HTR3D: variants seen among roughly 807,000 people sequenced by gnomAD.
The protein encoded by HTR3D is 5-hydroxytryptamine receptor 3D.
In HTR3D, 47 loss-of-function variants were observed where a neutral mutation model predicts 45.8. The ratio of observed to expected loss-of-function variants is 1.03; its 90% CI spans 0.81 to 1.31. HTR3D has a LOEUF of 1.31. Ranked by LOEUF, HTR3D falls within the 50% of genes most tolerant of loss-of-function variation. HTR3D has a pLI of 0.00. For synonymous variants in HTR3D, 203 were observed against 199.8 expected, an observed-to-expected ratio of 1.02 and a Z score of -0.13; for missense variants, 448 against 506.9, an observed-to-expected ratio of 0.88 and a Z score of 1.12.
In HTR3D at chr3:184,038,508, C is replaced by T. The variant is rs1722980129; in HGVS notation, c.869C>T (p.Pro290Leu). The change falls in exon 7 of 8, where the codon CCT becomes CTT. Residue 290 changes from proline to leucine, a missense_variant. Coordinates refer to ENST00000428798, the MANE Select transcript of HTR3D (RefSeq NM_001145143.1). This position sits in a 1 kb window ranked among gnomAD's most constrained non-coding sequence, Gnocchi z 4.5. ...CACGTGGCCACCACCCAGCCCCTAC[C>T]TCTGCCTCGGTGGCTCCACTCCCTG... ...LLHVATTQPL[P>L]LPRWLHSLLL... 1 of 1,614,058 alleles carries T rather than the reference C, an allele frequency of 6.2e-7. No individual in the cohort carries two copies. Among genetic ancestry groups the T allele is most frequent in the African/African-American group, 1.3e-5 (1 of 75,036 alleles).
In HTR3D at chr3:184,032,960, T is replaced by G. The variant is rs137867732; in HGVS notation, c.66+1153T>G. ...CCAGCACAGGGTGGACCCTGCAGCC[T>G]TTCAAGCAGTGTTTGACAGAAAGGC... is the stretch of plus-strand genomic sequence containing the variant. On this transcript the variant is annotated intron_variant, in intron 1 of 7. Coordinates refer to ENST00000428798, the MANE Select transcript of HTR3D (RefSeq NM_001145143.1). 201 of 1,552,276 alleles carry G rather than the reference T, an allele frequency of 1.3e-4. No individual in the cohort carries two copies. In the African/African-American group the frequency reaches 2.3e-3, roughly 18 times the overall value.
At chr3:184,031,588 T>C, upstream of HTR3D, 1 of 607,406 alleles carries the variant, frequency 1.6e-6, no homozygotes, top group Non-Finnish European at 3.0e-6. Flanking sequence ...TATTCCTCTG[T>C]GACATTCTTT....
chr3:184,037,944 T>C (rs1450186226), intron 5 of HTR3D, 77 bp from the exon 6 acceptor site: 5 of 1,549,846 alleles, frequency 3.2e-6, no homozygotes, highest in Non-Finnish European at 4.4e-6. Context: ...CTGGGACAAA[T>C]CCCAGTTCTT....
chr3:184,032,915 A>G, intron 1 of HTR3D: 1 of 1,552,578 alleles, frequency 6.4e-7, no homozygotes, highest in Non-Finnish European at 8.7e-7. Flanking sequence ...CACTTTGATT[A>G]TCAATTGCCC....
chr3:184,031,633 T>C (rs1722752340), upstream of HTR3D: 1 of 714,646 alleles, frequency 1.4e-6, no homozygotes. Flanking sequence ...AGGCGGTTAA[T>C]GCCAGCTGAT....
At chr3:184,037,919 A>C in intron 5 of HTR3D, 102 bp from the exon 6 acceptor site, 1 of 1,419,238 alleles carries the variant, frequency 7.0e-7, no homozygotes, top group South Asian at 1.3e-5. Context: ...ATATTTCCTT[A>C]CTAGACAGTT....
chr3:184,036,650 A>G (rs1416882953), intron 4 of HTR3D, 98 bp from the exon 5 acceptor site: 8 of 1,579,614 alleles, frequency 5.1e-6, no homozygotes, highest in Non-Finnish European at 6.9e-6. Context: ...AAGGGCCTGG[A>G]AGCTAAGCAG....
intron 2 of HTR3D, 26 bp downstream of exon 2, chr3:184,035,248 C>G (rs1560074057): frequency 1.9e-6 from 3 of 1,547,562 alleles, no homozygotes; most frequent in Non-Finnish European, 2.6e-6. Context: ...TTTCCCCTTT[C>G]CTCTACTCTG....
chr3:184,032,223 T>C (rs1284840824), intron 1 of HTR3D, among the ~76,000 whole-genome samples: 1 of 152,116 alleles, frequency 6.6e-6, no homozygotes, highest in Non-Finnish European at 1.5e-5. Flanking sequence ...TGAATGCCTG[T>C]CCTCAGGTGA....
intron 1 of HTR3D, chr3:184,033,102 GT>G: frequency 7.4e-7 from 1 of 1,347,602 alleles, no homozygotes; most frequent in Non-Finnish European, 1.0e-6. Flanking sequence ...GTGGTGAGCA[GT>G]GGACCCTCTG....
At position 184,036,385 on chromosome 3, in the gene HTR3D, A is replaced by G; in HGVS notation, c.208A>G (p.Thr70Ala). 1.9e-6 allele frequency: 3 copies of G among 1,614,088 alleles called. No individual in the cohort carries two copies. The South Asian group carries it at 3.3e-5, about 18-fold the overall frequency. The change falls in exon 4 of 8, where the codon ACA becomes GCA. Residue 70 changes from threonine to alanine, a missense_variant. Thr to Ala is a moderately conservative substitution (Grantham distance 58). Coordinates refer to ENST00000428798, the MANE Select transcript of HTR3D (RefSeq NM_001145143.1). ...CCCACACAGCATCAGTGTGGATCAGACACCTGCAGGTCTCATGGCTAGTAT... is the reference window on the plus strand; with the variant it reads ...CCCACACAGCATCAGTGTGGATCAGGCACCTGCAGGTCTCATGGCTAGTAT... Reference protein sequence around the residue: ...DVFIEESVDQTPAGLMASMSI... With the variant: ...DVFIEESVDQAPAGLMASMSI...
intron 2 of HTR3D, 118 bp from the exon 3 acceptor site, chr3:184,035,897 T>A: frequency 1.0e-6 from 1 of 977,184 alleles, no homozygotes; most frequent in Non-Finnish European, 1.5e-6. Context: ...TTCACCATGT[T>A]AGCTAGGCTG....
chr3:184,036,664 G>T, intron 4 of HTR3D, 84 bp from the exon 5 acceptor site: 1 of 1,568,698 alleles, frequency 6.4e-7, no homozygotes. Flanking sequence ...TAAGCAGTGA[G>T]GGATCCAACA....
In HTR3D at chr3:184,038,162, C is replaced by A. The variant is rs746044964; in HGVS notation, c.658C>A (p.Leu220Met). The change falls in exon 6 of 8, where the codon CTG (leucine) becomes ATG (methionine). Residue 220 changes from leucine (L) to methionine (M), a missense_variant. Leu to Met is a conservative substitution (Grantham distance 15, BLOSUM62 2). Coordinates refer to ENST00000428798, the MANE Select transcript of HTR3D (RefSeq NM_001145143.1). The surrounding 1 kb of genome is among the most constrained non-coding windows in gnomAD (Gnocchi z 4.5). ...TTGTGCCCCATTCAAGATGACTGTT[C>A]TGCTGGGCTACAGCGTCTTCCTGCT... ...GNCAPFKMTV[L>M]LGYSVFLLMM... 3 of 1,614,200 alleles carry A rather than the reference C, an allele frequency of 1.9e-6. No individual in the cohort carries two copies. Among genetic ancestry groups the A allele is most frequent in the Non-Finnish European group, 2.5e-6 (3 of 1,180,032 alleles).
At chr3:184,032,921 T>G (rs1722789409) in intron 1 of HTR3D, 1 of 1,552,560 alleles carries the variant, frequency 6.4e-7, no homozygotes, top group Admixed American at 2.0e-5. Flanking sequence ...GATTATCAAT[T>G]GCCCAGGCTT....
chr3:184,039,056 T>C lies in HTR3D; in HGVS notation c.*81T>C. 2 of 863,672 alleles carry C rather than the reference T, an allele frequency of 2.3e-6. No individual in the cohort carries two copies. Among genetic ancestry groups the C allele is most frequent in the South Asian group, 3.4e-5 (2 of 59,516 alleles). 53.5% of individuals were successfully genotyped at this position (863,672 alleles called of 1,614,324 possible). On this transcript the variant is annotated 3_prime_UTR_variant, in exon 8 of 8. Transcript: ENST00000428798. ...AAACCAGTCAGGCTCTCAGTCAGCCTTGTGGCCCTGTCAACCGCCTCATTT... is the reference window on the plus strand; with the variant it reads ...AAACCAGTCAGGCTCTCAGTCAGCCCTGTGGCCCTGTCAACCGCCTCATTT...
Position 184,039,113 on chromosome 3 carries a change from G to C in HTR3D, c.*138G>C. ...CAGTCCTCTGTGTAGTTTCAGACCA[G>C]ACCTGAATAGTCTCCTATGCCCTCC... On this transcript the variant is annotated 3_prime_UTR_variant, in exon 8 of 8. Coordinates refer to ENST00000428798, the MANE Select transcript of HTR3D (RefSeq NM_001145143.1). 1.1e-6 allele frequency: 1 copy of C among 890,940 alleles called. No homozygotes were observed. Among genetic ancestry groups the C allele is most frequent in the Non-Finnish European group, 1.7e-6 (1 of 582,542 alleles). The allele number at this position is 890,940 out of a possible 1,614,324, so 55.2% of individuals were successfully genotyped here.
At position 184,038,719 on chromosome 3, in the gene HTR3D, C is replaced by T. The variant is rs375513002; in HGVS notation, c.986-27C>T. ...CCCTCCACAGGTGACATTTGCAGCC[C>T]ATGGCTGAGTCTCTGTCTTTCTGTA... is the stretch of plus-strand genomic sequence containing the variant. On this transcript the variant is annotated intron_variant, in intron 7 of 7. Coordinates refer to ENST00000428798, the MANE Select transcript of HTR3D (RefSeq NM_001145143.1). This position sits in a 1 kb window ranked among gnomAD's most constrained non-coding sequence, Gnocchi z 4.5. 6.4e-7 allele frequency: 1 copy of T among 1,563,922 alleles called. No individual in the cohort carries two copies. Among genetic ancestry groups the T allele is most frequent in the Non-Finnish European group, 8.7e-7 (1 of 1,153,264 alleles).
At chr3:184,037,983 C>G (rs1326653111) in intron 5 of HTR3D, 38 bp from the exon 6 acceptor site, 6 of 1,604,304 alleles carry the variant, frequency 3.7e-6, no homozygotes, top group Non-Finnish European at 5.1e-6. Context: ...AGCCTCCCAG[C>G]CTACTTCTCA....
Sources: gnomAD v4.1 joint callset for allele counts (sites outside exome capture counted in the v4.1 genomes callset) on GRCh38, gnomAD v4.1.1 for gene constraint, Gnocchi (gnomAD v3.1) non-coding constraint, MANE v1.5 for transcripts, NCBI Gene and HGNC (gene_info 2026-07-23, HGNC 2026-07-21) for gene names.